ATG14: variants seen among roughly 807,000 people sequenced by gnomAD.
The protein encoded by ATG14 is autophagy related 14.
ATG14 carries 35 observed loss-of-function variants against 60.4 expected under a neutral mutation model. The observed-to-expected ratio is 0.58, with a 90% confidence interval of 0.44 to 0.77. The LOEUF (loss-of-function observed/expected upper bound fraction) is 0.77. Among genes scored for constraint, ATG14 ranks in the 30% least tolerant of loss-of-function variants. ATG14 has a pLI of 0.00. For synonymous variants in ATG14, 234 were observed against 228.8 expected (o/e 1.02, Z -0.21); for missense variants, 647 against 626.3 (o/e 1.03, Z -0.35).
rs2140126066 is a variant in ATG14 at position 55,377,915 on chromosome 14, T to A, written c.1087-11A>T. On this transcript the variant is annotated splice_polypyrimidine_tract_variant and intron_variant, in intron 8 of 9. Coordinates refer to ENST00000247178, the MANE Select transcript of ATG14 (RefSeq NM_014924.5). ...ATCTAAATTTACATGCTAAAAAAAA[T>A]TAAAGAATTGGTTAATATTTTCAAC... 6.3e-7 allele frequency: 1 copy of A among 1,597,228 alleles called. No individual in the cohort carries two copies. The highest frequency in any genetic ancestry group is 8.5e-7 in the Non-Finnish European group (1 of 1,173,102).
At chr14:55,370,491 C>T (rs1346793270) in intron 9 of ATG14, among the ~76,000 whole-genome samples, 1 of 152,198 alleles carries the variant, frequency 6.6e-6, no homozygotes, top group East Asian at 1.9e-4. Flanking sequence ...TATTTCTGCA[C>T]TGTATTTCAG....
intron 5 of ATG14, among the ~76,000 whole-genome samples, chr14:55,382,690 T>C (rs1444462439): frequency 1.3e-5 from 2 of 152,166 alleles, no homozygotes; most frequent in African/African-American, 4.8e-5. Context: ...GAGCTTGCTA[T>C]CAGAGAGGAA....
Position 55,411,786 on chromosome 14 carries a change from C to G in ATG14, c.37G>C (p.Glu13Gln). 2.5e-6 allele frequency: 4 copies of G among 1,602,572 alleles called. No individual in the cohort carries two copies. Among genetic ancestry groups the G allele is most frequent in the Non-Finnish European group, 3.4e-6 (4 of 1,175,128 alleles). The change falls in exon 1 of 10, where the codon GAG becomes CAG. Residue 13 changes from glutamate to glutamine, a missense_variant. By Grantham distance (29) the Glu-to-Gln change is conservative (BLOSUM62 2). Transcript: ENST00000247178. The stretch of plus-strand genomic sequence containing the variant: ...GGCCGGGGCCCGCAGCCAGGAGCCT[C>G]CAGCGCCCGGGCTCCCTTCCCACTG... The part of the protein sequence containing the change: ...SPSGKGARAL[E>Q]APGCGPRPLA...
At chr14:55,392,445 C>T (rs1033056161) in intron 3 of ATG14, among the ~76,000 whole-genome samples, 1 of 152,002 alleles carries the variant, frequency 6.6e-6, no homozygotes, top group East Asian at 1.9e-4. Context: ...CTCAGGAGTT[C>T]GAGGCCAGCC....
In ATG14 at chr14:55,381,954, C is replaced by A. The variant is rs1333163240; in HGVS notation, c.877+8G>T. 1.2e-6 allele frequency: 2 copies of A among 1,608,432 alleles called. No homozygotes were observed. Among genetic ancestry groups the A allele is most frequent in the Non-Finnish European group, 1.7e-6 (2 of 1,174,922 alleles). On this transcript the variant is annotated splice_region_variant and intron_variant, in intron 6 of 9. Coordinates refer to ENST00000247178, the MANE Select transcript of ATG14 (RefSeq NM_014924.5). ...TATATAGATTTCAAAGGATATGCTGCTTCTCACCAGGCCCCTGGGTTGTTT... is the reference window on the plus strand; with the variant it reads ...TATATAGATTTCAAAGGATATGCTGATTCTCACCAGGCCCCTGGGTTGTTT...
chr14:55,394,603 A>T (rs1819853869), intron 3 of ATG14, among the ~76,000 whole-genome samples: 1 of 152,192 alleles, frequency 6.6e-6, no homozygotes, highest in Non-Finnish European at 1.5e-5. Context: ...ACAGCACTGT[A>T]TCAAAGTTAT....
intron 9 of ATG14, among the ~76,000 whole-genome samples, chr14:55,370,645 CT>C (rs1019390150): frequency 5.4e-4 from 79 of 146,448 alleles, no homozygotes; most frequent in East Asian, 2.8e-3. Context: ...TTCTGCATTT[CT>C]TTTTTTTTTT....
At chr14:55,399,799 A>G (rs148333182) in intron 1 of ATG14, among the ~76,000 whole-genome samples, 1 of 152,336 alleles carries the variant, frequency 6.6e-6, no homozygotes, top group East Asian at 1.9e-4. Context: ...AGGCCATAAA[A>G]GTTCTCCTTT....
chr14:55,390,995 G>GA lies in ATG14; in HGVS notation c.328-4dup. The GA allele has an allele frequency of 6.3e-7, 1 of 1,596,732 alleles. No homozygotes were observed. The highest frequency in any genetic ancestry group is 1.1e-5 in the South Asian group (1 of 88,590). On this transcript the variant is annotated splice_region_variant and splice_polypyrimidine_tract_variant and intron_variant, in intron 3 of 9. Coordinates refer to ENST00000247178, the MANE Select transcript of ATG14 (RefSeq NM_014924.5). ...TTGCAGGACATTATTTTCCATCTCT[G>GA]AAAAAAGCATGTAATAAATATCACA...
chr14:55,370,700 G>A (rs1356765776), intron 9 of ATG14, among the ~76,000 whole-genome samples: 1 of 151,804 alleles, frequency 6.6e-6, no homozygotes, highest in African/African-American at 2.4e-5. Flanking sequence ...GGAGTGCAGT[G>A]GCGCCATCTT....
intron 9 of ATG14, among the ~76,000 whole-genome samples, chr14:55,375,168 A>C (rs1319376604): frequency 6.6e-6 from 1 of 152,230 alleles, no homozygotes; most frequent in East Asian, 1.9e-4. Context: ...TGGAATAAAA[A>C]TAAGCTTCAT....
chr14:55,384,874 G>C (rs1386562134), intron 5 of ATG14, among the ~76,000 whole-genome samples: 1 of 152,330 alleles, frequency 6.6e-6, no homozygotes, highest in African/African-American at 2.4e-5. Context: ...AGCAGCATCA[G>C]GGAAGTTTAA....
At position 55,374,216 on chromosome 14, in the gene ATG14, G is replaced by GT. The variant is rs112314795; in HGVS notation, c.1172+3602dup. Among the ~76,000 whole-genome samples the GT allele has an allele frequency of 1.6e-3, 240 of 151,342 alleles. 4 individuals carry two copies. The South Asian group carries it at 0.028, about 18-fold the overall frequency. ...ATTTTAAGTTTTTTATTATTTTAATGTTTTTTTTTAAAGAGATGGGGGTCT... is the reference window on the plus strand; with the variant it reads ...ATTTTAAGTTTTTTATTATTTTAATGTTTTTTTTTTAAAGAGATGGGGGTCT... On this transcript the variant is annotated intron_variant, in intron 9 of 9. Transcript: ENST00000247178.
chr14:55,372,569 T>C lies in ATG14; in HGVS notation c.1173-2644A>G, dbSNP rs200355760. 1.1e-3 allele frequency among the ~76,000 whole-genome samples: 165 copies of C among 151,258 alleles called. 1 individual carries two copies. Among genetic ancestry groups the C allele is most frequent in the Non-Finnish European group, 5.5e-4 (37 of 67,728 alleles). On this transcript the variant is annotated intron_variant, in intron 9 of 9. Transcript: ENST00000247178. ...TCTTTCCCTTTCTCCCTCCCTCCCT[T>C]CTTTCCATCCTTTCTTCCTCACTCC...
At position 55,369,292 on chromosome 14, in the gene ATG14, C is replaced by G. The variant is rs1884756403; in HGVS notation, c.*327G>C. The G allele has an allele frequency of 5.2e-6, 1 of 192,072 alleles. No homozygotes were observed. Among genetic ancestry groups the G allele is most frequent in the South Asian group, 1.9e-4 (1 of 5,388 alleles). The allele number at this position is 192,072 out of a possible 1,614,324, so 11.9% of individuals were successfully genotyped here. On this transcript the variant is annotated 3_prime_UTR_variant, in exon 10 of 10. Transcript: ENST00000247178. Reference sequence around the variant, plus strand: ...CAGCACACTGACCCATATCTGTGGGCCCGGTGGCCCGGGCCCAGAGGGAAC... The same window carrying G: ...CAGCACACTGACCCATATCTGTGGGGCCGGTGGCCCGGGCCCAGAGGGAAC...
rs1336851492 is a variant in ATG14 at position 55,367,363 on chromosome 14, G to C, written c.*2256C>G. ...CAAGTCTACCATCTTCACTCTCTACGAACTCCAGAACTGGATGGGAAAATG... is the reference window on the plus strand; with the variant it reads ...CAAGTCTACCATCTTCACTCTCTACCAACTCCAGAACTGGATGGGAAAATG... On this transcript the variant is annotated 3_prime_UTR_variant, in exon 10 of 10. Coordinates refer to ENST00000247178, the MANE Select transcript of ATG14 (RefSeq NM_014924.5). 6.6e-6 allele frequency: 1 copy of C among 152,126 alleles called. No individual in the cohort carries two copies. Among genetic ancestry groups the C allele is most frequent in the African/African-American group, 2.4e-5 (1 of 41,396 alleles). The allele number at this position is 152,126 out of a possible 1,614,324, so 9.4% of individuals were successfully genotyped here.
chr14:55,366,626 G>C lies in ATG14; in HGVS notation c.*2993C>G, dbSNP rs1228995745. 7.9e-6 allele frequency: 1 copy of C among 126,914 alleles called. No homozygotes were observed. The highest frequency in any genetic ancestry group is 1.6e-5 in the Non-Finnish European group (1 of 63,308). The allele number at this position is 126,914 out of a possible 1,614,324, so 7.9% of individuals were successfully genotyped here. A position where few individuals can be genotyped will look rare whatever the true frequency, so the allele number is the denominator to read the frequency against. On this transcript the variant is annotated 3_prime_UTR_variant, in exon 10 of 10. Coordinates refer to ENST00000247178, the MANE Select transcript of ATG14 (RefSeq NM_014924.5). Reference sequence around the variant, plus strand: ...TGATATACTGTTTTTCCCCCTTACAGATGTGCAAAACTTTTCTTATATTCC... The same window carrying C: ...TGATATACTGTTTTTCCCCCTTACACATGTGCAAAACTTTTCTTATATTCC...
At chr14:55,411,093 C>A (rs890508187) in intron 1 of ATG14, among the ~76,000 whole-genome samples, 1 of 152,144 alleles carries the variant, frequency 6.6e-6, no homozygotes, top group Admixed American at 6.5e-5. Flanking sequence ...TAACAGCAAG[C>A]CTCAATTCAC....
At chr14:55,378,755 C>T (rs1884969950) in intron 7 of ATG14, among the ~76,000 whole-genome samples, 1 of 152,060 alleles carries the variant, frequency 6.6e-6, no homozygotes, top group African/African-American at 2.4e-5. Flanking sequence ...CTGGGGTGCA[C>T]TGGCATGATC....
Sources: gnomAD v4.1 joint callset for allele counts (sites outside exome capture counted in the v4.1 genomes callset) on GRCh38, gnomAD v4.1.1 for gene constraint, MANE v1.5 for transcripts, NCBI Gene and HGNC (gene_info 2026-07-23, HGNC 2026-07-21) for gene names.